The following KLF12 variants were observed in gnomAD, a reference collection of about 807,000 sequenced individuals.
The protein encoded by KLF12 is Krueppel-like factor 12.
A neutral mutation model predicts 37.8 loss-of-function variants in KLF12; 9 were observed. That is an observed-to-expected ratio of 0.24 (90% CI 0.14 to 0.42). The LOEUF is 0.42. Among genes scored for constraint, KLF12 ranks in the 10% least tolerant of loss-of-function variants. The pLI, the probability that KLF12 is intolerant of heterozygous loss-of-function variation, is 1.00. For synonymous variants in KLF12, 208 were observed against 202.1 expected, an observed-to-expected ratio of 1.03 and a Z score of -0.25; for missense variants, 411 against 516.0, an observed-to-expected ratio of 0.80 and a Z score of 1.97.
At chr13:73,741,879 A>T (rs1878012735) in intron 6 of KLF12, among the ~76,000 whole-genome samples, 1 of 152,266 alleles carries the variant, frequency 6.6e-6, no homozygotes, top group Non-Finnish European at 1.5e-5. Flanking sequence ...ACTTATGTGC[A>T]GAGTGTAGCA....
At position 74,020,667 on chromosome 13, in the gene KLF12, G is replaced by T. The variant is rs927256536; in HGVS notation, c.-31-25614C>A. ...GCACTTTGGGAGGCCGAGGCGGGTG[G>T]ATCACGAGGTCAGGAGATTGAGACC... On this transcript the variant is annotated intron_variant, in intron 1 of 7. Transcript: ENST00000377669. Among the ~76,000 whole-genome samples, 27 of 152,220 alleles carry T rather than the reference G, an allele frequency of 1.8e-4. No homozygotes were observed. In the East Asian group the frequency reaches 4.8e-3, roughly 27 times the overall value.
At chr13:73,814,416 G>A (rs371041265) in intron 4 of KLF12, among the ~76,000 whole-genome samples, 7 of 152,228 alleles carry the variant, frequency 4.6e-5, no homozygotes, top group African/African-American at 7.2e-5. Context: ...TTTTACCCAC[G>A]AAATGGCAAC....
intron 1 of KLF12, among the ~76,000 whole-genome samples, chr13:74,068,493 A>C (rs544754563): frequency 6.6e-6 from 1 of 152,206 alleles, no homozygotes; most frequent in Non-Finnish European, 1.5e-5. Context: ...GAAAGTGTGG[A>C]TCCTACATCC....
At chr13:74,279,237 C>A in the KLF12 span, among the ~76,000 whole-genome samples, 1 of 152,150 alleles carries the variant, frequency 6.6e-6, no homozygotes, top group Non-Finnish European at 1.5e-5. Flanking sequence ...CCACTGTGCA[C>A]TTTAATTTAG....
the KLF12 span, among the ~76,000 whole-genome samples, chr13:74,250,080 G>A: frequency 1.8e-4 from 27 of 152,098 alleles, no homozygotes; most frequent in Non-Finnish European, 1.0e-4. Flanking sequence ...AGAGGAGTGA[G>A]GAGTCATTAT....
intron 2 of KLF12, among the ~76,000 whole-genome samples, chr13:73,970,308 T>C (rs1447718327): frequency 2.0e-5 from 3 of 152,006 alleles, no homozygotes; most frequent in Admixed American, 1.3e-4. Flanking sequence ...ACAAGACACA[T>C]AGCAAGGCAC....
chr13:74,285,833 T>C, the KLF12 span, among the ~76,000 whole-genome samples: 3 of 152,326 alleles, frequency 2.0e-5, no homozygotes, highest in East Asian at 3.9e-4. Flanking sequence ...CTTTGTAACA[T>C]GCTCTAAAAG....
chr13:74,245,968 A>G, the KLF12 span, among the ~76,000 whole-genome samples: 244 of 152,354 alleles, frequency 1.6e-3, 2 homozygotes, highest in African/African-American at 5.7e-3. Context: ...CCCAGACACT[A>G]GTAGAAGGGT....
chr13:73,817,909 TTTG>T lies in KLF12; in HGVS notation c.671-4625_671-4623del, dbSNP rs762290258. ...GCCAATTAAGATGTGCAAAATTAGA[TTTG>T]TTTACTTTTAACAACATTCTTCTTT... On this transcript the variant is annotated intron_variant, in intron 4 of 7. Transcript: ENST00000377669. Among the ~76,000 whole-genome samples the T allele has an allele frequency of 4.6e-5, 7 of 152,400 alleles. No individual in the cohort carries two copies. The East Asian group carries it at 5.8e-4, about 13-fold the overall frequency.
the KLF12 span, among the ~76,000 whole-genome samples, chr13:74,227,328 A>G: frequency 6.6e-6 from 1 of 152,116 alleles, no homozygotes; most frequent in African/African-American, 2.4e-5. Flanking sequence ...TTTGCCTTCA[A>G]TGAGTGTGTT....
At chr13:73,969,433 C>A (rs1891266293) in intron 2 of KLF12, among the ~76,000 whole-genome samples, 2 of 152,180 alleles carry the variant, frequency 1.3e-5, no homozygotes, top group Admixed American at 1.3e-4. Flanking sequence ...CAGTGTATAC[C>A]ACTGGGATTT....
At chr13:73,944,147 T>C in intron 2 of KLF12, 77 bp from the exon 3 acceptor site, 1 of 839,490 alleles carries the variant, frequency 1.2e-6, no homozygotes, top group Non-Finnish European at 2.0e-6. Flanking sequence ...CTTCCCTCAT[T>C]GTAGTACATT....
the KLF12 span, among the ~76,000 whole-genome samples, chr13:74,146,642 A>G: frequency 1.3e-5 from 2 of 152,250 alleles, no homozygotes; most frequent in African/African-American, 4.8e-5. Flanking sequence ...ATGCTGCTTT[A>G]CAATTTCATA....
At chr13:73,762,789 A>G (rs1189834696) in intron 6 of KLF12, among the ~76,000 whole-genome samples, 3 of 152,176 alleles carry the variant, frequency 2.0e-5, no homozygotes, top group Non-Finnish European at 2.9e-5. Context: ...TCACTAAGAA[A>G]TAACAAGTGT....
chr13:74,211,616 T>A, the KLF12 span, among the ~76,000 whole-genome samples: 3 of 152,210 alleles, frequency 2.0e-5, no homozygotes, highest in Admixed American at 2.0e-4. Context: ...TGACATTATG[T>A]TATTCTTCCA....
At chr13:73,863,705 G>T (rs1886039996) in intron 3 of KLF12, among the ~76,000 whole-genome samples, 2 of 152,020 alleles carry the variant, frequency 1.3e-5, no homozygotes. Flanking sequence ...TGTTCATCTG[G>T]TGCAGACAGG....
intron 7 of KLF12, among the ~76,000 whole-genome samples, chr13:73,712,999 G>C (rs1875521960): frequency 6.6e-6 from 1 of 152,154 alleles, no homozygotes; most frequent in Non-Finnish European, 1.5e-5. Flanking sequence ...CAGGATCTTT[G>C]AGGTACGCCT....
intron 2 of KLF12, among the ~76,000 whole-genome samples, chr13:73,949,947 A>G (rs75139161): frequency 0.021 from 2,756 of 133,154 alleles, 71 homozygotes; most frequent in African/African-American, 0.064. Flanking sequence ...TCTCAACTAA[A>G]ATCCCCCATA....
intron 3 of KLF12, among the ~76,000 whole-genome samples, chr13:73,866,077 G>A (rs1241588884): frequency 2.0e-5 from 3 of 152,068 alleles, no homozygotes; most frequent in Non-Finnish European, 4.4e-5. Flanking sequence ...CCAACAGGGC[G>A]AAACTCCATC....
Sources: allele counts gnomAD v4.1 joint callset (sites outside exome capture counted in the v4.1 genomes callset), GRCh38; gene constraint gnomAD v4.1.1; transcripts MANE v1.5; gene names NCBI Gene and HGNC (gene_info 2026-07-23, HGNC 2026-07-21).